The following ARHGAP39 variants were observed in gnomAD, a reference collection of about 807,000 sequenced individuals.
ARHGAP39 encodes the protein Rho GTPase activating protein 39.
In ARHGAP39, 44 loss-of-function variants were observed where a neutral mutation model predicts 106.9. That is an observed-to-expected ratio of 0.41 (90% CI 0.32 to 0.53). ARHGAP39 has a LOEUF of 0.53. ARHGAP39 is among the 20% of genes least tolerant of loss of function. The pLI, the probability that ARHGAP39 is intolerant of heterozygous loss-of-function variation, is 0.21. For missense variants in ARHGAP39, 1,496 were observed against 1,577.3 expected (o/e 0.95, Z 0.87); for synonymous variants, 768 against 693.2 (o/e 1.11, Z -1.69).
In ARHGAP39 at chr8:144,529,680, A is replaced by T. The variant is rs550391749; in HGVS notation, c.*742T>A. On this transcript the variant is annotated 3_prime_UTR_variant, in exon 12 of 12. Coordinates refer to ENST00000377307, the MANE Select transcript of ARHGAP39 (RefSeq NM_025251.3). ...TATGTCATTAGCAAATTTAGTTCTT[A>T]TATCTTTCCCTCTATTTATATCTCT... is the stretch of plus-strand genomic sequence containing the variant. The T allele has an allele frequency of 2.6e-5, 4 of 152,306 alleles. No homozygotes were observed. The East Asian group carries it at 5.8e-4, about 22-fold the overall frequency. 9.4% of individuals were successfully genotyped at this position (152,306 alleles called of 1,614,324 possible).
chr8:144,587,928 C>T (rs1254442445), intron 2 of ARHGAP39, among the ~76,000 whole-genome samples: 1 of 152,192 alleles, frequency 6.6e-6, no homozygotes, highest in Non-Finnish European at 1.5e-5. Context: ...CAGGCGTGAG[C>T]CACCGCGCCC....
At chr8:144,540,344 A>G (rs778659187) in intron 6 of ARHGAP39, among the ~76,000 whole-genome samples, 12 of 152,214 alleles carry the variant, frequency 7.9e-5, no homozygotes, top group African/African-American at 1.2e-4. Context: ...GGCTACAGTG[A>G]GCTATCACAG....
intron 3 of ARHGAP39, among the ~76,000 whole-genome samples, chr8:144,564,130 G>T (rs1264574836): frequency 6.6e-6 from 1 of 152,210 alleles, no homozygotes; most frequent in Non-Finnish European, 1.5e-5. Flanking sequence ...CAAATCATAT[G>T]CTCATGGACT....
chr8:144,554,828 C>T (rs753799911), intron 4 of ARHGAP39, among the ~76,000 whole-genome samples: 1 of 152,214 alleles, frequency 6.6e-6, no homozygotes, highest in Non-Finnish European at 1.5e-5. Context: ...AGAAACAAAC[C>T]GTTACCACTT....
At chr8:144,619,836 G>A (rs779933615) in intron 1 of ARHGAP39, among the ~76,000 whole-genome samples, 3 of 149,102 alleles carry the variant, frequency 2.0e-5, no homozygotes, top group Non-Finnish European at 4.4e-5. Flanking sequence ...GAGTGTGTGT[G>A]CCCATGTGCG....
chr8:144,551,255 GGA>G (rs1314848084), intron 4 of ARHGAP39, among the ~76,000 whole-genome samples: 3 of 152,138 alleles, frequency 2.0e-5, no homozygotes, highest in African/African-American at 7.2e-5. Flanking sequence ...GTGAGTATGA[GGA>G]GAGGTGAGGG....
chr8:144,530,695 G>T lies in ARHGAP39; in HGVS notation c.3150+7C>A. On this transcript the variant is annotated splice_region_variant and intron_variant, in intron 11 of 11. Coordinates refer to ENST00000377307, the MANE Select transcript of ARHGAP39 (RefSeq NM_025251.3). ...AAAGCAGCGGGGACCCCCGGGGAGG[G>T]AAGTACCTGCAGGAAGCGGATGAGG... The T allele has an allele frequency of 6.3e-7, 1 of 1,590,042 alleles. No homozygotes were observed. The highest frequency in any genetic ancestry group is 8.6e-7 in the Non-Finnish European group (1 of 1,166,784).
chr8:144,600,621 C>T (rs552103873), intron 2 of ARHGAP39, among the ~76,000 whole-genome samples: 148 of 134,686 alleles, frequency 1.1e-3, no homozygotes, highest in African/African-American at 3.9e-3. Context: ...GGCGTGCGTG[C>T]GCACTTGGGT....
chr8:144,580,793 C>G lies in ARHGAP39; in HGVS notation c.512+53G>C, dbSNP rs1818947831. ...CCACCCCCTACCTGCCTCACCTGGCCCCGCCCACTCCATTCACCTGGCCCC... is the reference window on the plus strand; with the variant it reads ...CCACCCCCTACCTGCCTCACCTGGCGCCGCCCACTCCATTCACCTGGCCCC... On this transcript the variant is annotated intron_variant, in intron 3 of 11. Transcript: ENST00000377307. The G allele has an allele frequency of 1.1e-5, 15 of 1,403,374 alleles. No homozygotes were observed. In the South Asian group the frequency reaches 2.2e-4, roughly 21 times the overall value. 86.9% of individuals were successfully genotyped at this position (1,403,374 alleles called of 1,614,324 possible).
chr8:144,537,797 T>A lies in ARHGAP39; in HGVS notation c.2538A>T (p.Lys846Asn). 6.2e-7 allele frequency: 1 copy of A among 1,614,086 alleles called. No homozygotes were observed. Among genetic ancestry groups the A allele is most frequent in the Non-Finnish European group, 8.5e-7 (1 of 1,179,956 alleles). ...TCTTAGTGTTTCTTTCCAGGAGCTC[T>A]TTTATGTGCTGTGTCACTGGGGAGC... is the stretch of plus-strand genomic sequence containing the variant. ...VNDTKVTQHI[K>N]ELLERNTKKK... The change falls in exon 7 of 12, where the codon AAA becomes AAT. Residue 846 changes from lysine to asparagine, a missense_variant. By Grantham distance (94) the Lys-to-Asn change is moderately conservative (BLOSUM62 0). Coordinates refer to ENST00000377307, the MANE Select transcript of ARHGAP39 (RefSeq NM_025251.3).
In ARHGAP39 at chr8:144,548,659, C is replaced by A. The variant is rs913496478; in HGVS notation, c.597-170G>T. ...CACACCTGCCTTGCCCCAGCACCCC[C>A]AGCCCTCCCTCTGGGGCTCTCCTGG... On this transcript the variant is annotated intron_variant, in intron 4 of 11. Transcript: ENST00000377307. The surrounding 1 kb of genome is among the most constrained non-coding windows in gnomAD (Gnocchi z 7.4). Among the ~76,000 whole-genome samples, 1 of 152,208 alleles carries A rather than the reference C, an allele frequency of 6.6e-6. No individual in the cohort carries two copies. The highest frequency in any genetic ancestry group is 2.4e-5 in the African/African-American group (1 of 41,462).
intron 1 of ARHGAP39, among the ~76,000 whole-genome samples, chr8:144,623,778 G>A (rs114119253): frequency 0.025 from 3,767 of 152,304 alleles, 149 homozygotes; most frequent in African/African-American, 0.086. Context: ...GTCAGAGGCC[G>A]CAGCACCCAG....
In ARHGAP39 at chr8:144,684,955, C is replaced by A. The variant is rs1451363015; in HGVS notation, c.-82+731G>T. Among the ~76,000 whole-genome samples, 2 of 152,330 alleles carry A rather than the reference C, an allele frequency of 1.3e-5. No individual in the cohort carries two copies. Among genetic ancestry groups the A allele is most frequent in the Admixed American group, 1.3e-4 (2 of 15,310 alleles). ...AGCGCACCGCAGCCCTGCACCCGGG[C>A]CGCCCTTCAGGACGCGGGCACCAGA... On this transcript the variant is annotated intron_variant, in intron 1 of 11. Transcript: ENST00000377307. This position sits in a 1 kb window ranked among gnomAD's most constrained non-coding sequence, Gnocchi z 4.4.
chr8:144,561,397 GTCCATCACACTCCAGTGGTT>G (rs1352947339), intron 3 of ARHGAP39, among the ~76,000 whole-genome samples: 3 of 129,038 alleles, frequency 2.3e-5, no homozygotes, highest in Admixed American at 8.6e-5. Context: ...CCCCAGTGGT[GTCCATCACACTCCAGTGGTT>G]TCCATCACAC....
At chr8:144,639,251 G>A (rs190211211) in intron 1 of ARHGAP39, among the ~76,000 whole-genome samples, 34 of 151,482 alleles carry the variant, frequency 2.2e-4, no homozygotes, top group African/African-American at 5.8e-4. Context: ...ACTTGAGCCC[G>A]GGAGGTGGAG....
intron 6 of ARHGAP39, among the ~76,000 whole-genome samples, chr8:144,542,962 G>A (rs1278598997): frequency 1.3e-5 from 2 of 150,784 alleles, no homozygotes. Context: ...AAAAAGGGGG[G>A]TCTTGCTCTG....
chr8:144,598,402 G>A (rs1217642772), intron 2 of ARHGAP39, among the ~76,000 whole-genome samples: 1 of 152,240 alleles, frequency 6.6e-6, no homozygotes, highest in African/African-American at 2.4e-5. Context: ...GCCCCAGGGA[G>A]GCTGGGAAGG....
chr8:144,601,402 C>T (rs1316446073), intron 2 of ARHGAP39, among the ~76,000 whole-genome samples: 1 of 105,678 alleles, frequency 9.5e-6, no homozygotes, highest in South Asian at 3.3e-4. Flanking sequence ...GTGTGCTCGT[C>T]TACCTGCGTG....
the ARHGAP39 span, chr8:144,698,796 T>C: frequency 2.2e-6 from 1 of 455,380 alleles, no homozygotes; most frequent in Non-Finnish European, 4.4e-6. Context: ...ATCTCCTTGT[T>C]GGCTTGGGTA....
Sources: allele counts gnomAD v4.1 joint callset (sites outside exome capture counted in the v4.1 genomes callset), GRCh38; gene constraint gnomAD v4.1.1; non-coding constraint Gnocchi (gnomAD v3.1); transcripts MANE v1.5; gene names NCBI Gene and HGNC (gene_info 2026-07-23, HGNC 2026-07-21).